Variants in TULP3 observed in about 807,000 individuals in gnomAD.
TULP3 encodes the protein tubby-related protein 3.
Under a neutral mutation model 50.7 loss-of-function variants are expected in TULP3, and 38 were observed. The ratio of observed to expected loss-of-function variants is 0.75; its 90% confidence interval spans 0.58 to 0.98. The LOEUF (loss-of-function observed/expected upper bound fraction) is 0.98, where lower values mean the gene tolerates loss of function less well. Ranked by LOEUF, TULP3 falls within the 50% of genes least tolerant of loss-of-function variation. The pLI is 0.00. For synonymous variants in TULP3, 183 were observed against 196.6 expected, an observed-to-expected ratio of 0.93 and a Z score of 0.58; for missense variants, 550 against 568.0, an observed-to-expected ratio of 0.97 and a Z score of 0.32.
At chr12:2,899,916 AAACAAAAAAAAC>A (rs2098178061) in intron 1 of TULP3, among the ~76,000 whole-genome samples, 2 of 53,582 alleles carry the variant, frequency 3.7e-5, no homozygotes, top group African/African-American at 9.4e-5. Flanking sequence ...ACAAAAAAAA[AAACAAAAAAAAC>A]TTGGAGACGG....
At chr12:2,936,730 CAA>C (rs1168056026) in intron 8 of TULP3, among the ~76,000 whole-genome samples, 17 of 150,730 alleles carry the variant, frequency 1.1e-4, no homozygotes, top group African/African-American at 3.7e-4. Context: ...GCCTGGGCAA[CAA>C]GAGTGAAACT....
chr12:2,935,954 AT>A (rs767977787), intron 8 of TULP3, among the ~76,000 whole-genome samples: 4 of 150,028 alleles, frequency 2.7e-5, no homozygotes, highest in Admixed American at 6.7e-5. Context: ...GGGCGACAGC[AT>A]GAGACCCTGT....
intron 2 of TULP3, 56 bp downstream of exon 2, chr12:2,909,636 G>C (rs35490316): frequency 0.2 from 299,434 of 1,507,378 alleles, 31,352 homozygotes; most frequent in South Asian, 0.26. Context: ...CCGTGATGCT[G>C]ATGGTCTTGG....
rs999489321 is a variant in TULP3, at chr12:2,930,833, G to C, written c.493-204G>C. On this transcript the variant is annotated intron_variant, in intron 5 of 10. Coordinates refer to ENST00000448120, the MANE Select transcript of TULP3 (RefSeq NM_003324.5). ...TTTTTTCTGTCTCAGGTCAGCTATTGTGAGGCTTTGTCCCATTTTGATACT... is the reference window on the plus strand; with the variant it reads ...TTTTTTCTGTCTCAGGTCAGCTATTCTGAGGCTTTGTCCCATTTTGATACT... The C allele has an allele frequency of 4.7e-6, 3 of 635,054 alleles. No individual in the cohort carries two copies. The African/African-American group carries it at 5.5e-5, about 12-fold the overall frequency. 39.3% of individuals were successfully genotyped at this position (635,054 alleles called of 1,614,324 possible). A position where few individuals can be genotyped will look rare whatever the true frequency, so the allele number is the denominator to read the frequency against.
intron 2 of TULP3, among the ~76,000 whole-genome samples, chr12:2,919,810 T>C (rs1451085508): frequency 6.6e-6 from 1 of 151,998 alleles, no homozygotes; most frequent in Non-Finnish European, 1.5e-5. Flanking sequence ...CTTGCTACCA[T>C]AGTCTTTATC....
intron 8 of TULP3, among the ~76,000 whole-genome samples, 164 bp downstream of exon 8, chr12:2,934,725 T>C (rs2098200099): frequency 6.6e-6 from 1 of 152,240 alleles, no homozygotes; most frequent in South Asian, 2.1e-4. Context: ...TTATTTGAAT[T>C]GCCAAGTTCA....
intron 2 of TULP3, among the ~76,000 whole-genome samples, chr12:2,911,718 A>G (rs1298165411): frequency 9.8e-6 from 1 of 102,542 alleles, no homozygotes; most frequent in Non-Finnish European, 1.9e-5. Flanking sequence ...GAGTCAGTGA[A>G]TTTAGAGACA....
intron 2 of TULP3, 148 bp from the exon 3 acceptor site, chr12:2,920,613 CTG>C (rs1040605495): frequency 2.3e-6 from 2 of 855,866 alleles, no homozygotes; most frequent in African/African-American, 1.7e-5. Flanking sequence ...TTACTCCTCT[CTG>C]TGCCTCAGTT....
chr12:2,903,092 C>G (rs2098180138), intron 1 of TULP3, among the ~76,000 whole-genome samples: 1 of 151,688 alleles, frequency 6.6e-6, no homozygotes, highest in East Asian at 2.0e-4. Context: ...GAACTCCTGA[C>G]CTCAAGTGAT....
intron 1 of TULP3, among the ~76,000 whole-genome samples, chr12:2,894,165 C>T (rs1854550851): frequency 6.6e-6 from 1 of 151,930 alleles, no homozygotes; most frequent in African/African-American, 2.4e-5. Context: ...GAGCTGGAGT[C>T]ATCTAAGAAA....
intron 1 of TULP3, among the ~76,000 whole-genome samples, chr12:2,894,310 G>GA (rs869138461): frequency 5.2e-5 from 2 of 38,538 alleles, no homozygotes; most frequent in African/African-American, 3.1e-4. Context: ...CGGGGGGGGG[G>GA]AAATCACCTG....
At chr12:2,912,982 T>TC (rs61121633) in intron 2 of TULP3, among the ~76,000 whole-genome samples, 68,354 of 150,072 alleles carry the variant, frequency 0.46, 15,752 homozygotes, top group East Asian at 0.56. Context: ...TTTTTTTTTT[T>TC]TTCTTCTTTT....
At position 2,909,559 on chromosome 12, in the gene TULP3, A is replaced by G. The variant is rs142244456; in HGVS notation, c.72A>G (p.Arg24=). 28 of 1,576,920 alleles carry G rather than the reference A, an allele frequency of 1.8e-5. No individual in the cohort carries two copies. Among genetic ancestry groups the G allele is most frequent in the Non-Finnish European group, 2.4e-5 (28 of 1,169,624 alleles). The change falls in exon 2 of 11, where the codon CGA becomes CGG. Residue 24 remains arginine, a synonymous_variant. Transcript: ENST00000448120. ...SVFHEEMMKM[R]QAKLDYQRLL... ...TCCATGAAGAAATGATGAAGATGCG[A>G]CAGGCTAAGCTGGATTATCAGGTGA...
chr12:2,897,305 C>A (rs941742160), intron 1 of TULP3, among the ~76,000 whole-genome samples: 1 of 152,176 alleles, frequency 6.6e-6, no homozygotes, highest in South Asian at 2.1e-4. Context: ...CCACTACGCC[C>A]AGCCTAAAGA....
At chr12:2,919,195 A>G (rs1565503079) in intron 2 of TULP3, among the ~76,000 whole-genome samples, 1 of 152,196 alleles carries the variant, frequency 6.6e-6, no homozygotes, top group Non-Finnish European at 1.5e-5. Flanking sequence ...CCCGGCTGCT[A>G]GAAGAATCTC....
intron 2 of TULP3, 101 bp downstream of exon 2, chr12:2,909,681 C>G: frequency 8.0e-7 from 1 of 1,252,980 alleles, no homozygotes; most frequent in Non-Finnish European, 1.1e-6. Context: ...GGAAAGAAGA[C>G]TGGAAAGGAG....
intron 2 of TULP3, among the ~76,000 whole-genome samples, chr12:2,917,426 C>T (rs550348319): frequency 1.3e-5 from 2 of 151,090 alleles, no homozygotes; most frequent in African/African-American, 2.4e-5. Flanking sequence ...GAGCCGAGAT[C>T]GCACCACTGC....
intron 4 of TULP3, among the ~76,000 whole-genome samples, chr12:2,927,874 A>T (rs1351271260): frequency 6.6e-6 from 1 of 152,124 alleles, no homozygotes; most frequent in Non-Finnish European, 1.5e-5. Flanking sequence ...CACCCCGCAG[A>T]TACTAGACAC....
At position 2,899,358 on chromosome 12, in the gene TULP3, A is replaced by AAAAC. The variant is rs1319290201; in HGVS notation, c.41+8373_41+8374insCAAA. 4.6e-5 allele frequency among the ~76,000 whole-genome samples: 7 copies of AAAAC among 151,804 alleles called. 1 individual carries two copies. The highest frequency in any genetic ancestry group is 7.4e-5 in the Non-Finnish European group (5 of 67,964). On this transcript the variant is annotated intron_variant, in intron 1 of 10. Coordinates refer to ENST00000448120, the MANE Select transcript of TULP3 (RefSeq NM_003324.5). The stretch of plus-strand genomic sequence containing the variant: ...GAAACGACGTCTCAAAAAAAAAAAA[A>AAAAC]AAAAAACAGCGAAATTCATTCTTAG...
Sources: gnomAD v4.1 joint callset for allele counts (sites outside exome capture counted in the v4.1 genomes callset) on GRCh38, gnomAD v4.1.1 for gene constraint, MANE v1.5 for transcripts, NCBI Gene and HGNC (gene_info 2026-07-23, HGNC 2026-07-21) for gene names.